Variants in SIRPG observed in about 807,000 individuals in gnomAD.
SIRPG encodes the protein signal regulatory protein gamma, also known as signal-regulatory protein gamma.
A neutral mutation model predicts 35.7 loss-of-function variants in SIRPG; 38 were observed. That is an observed-to-expected ratio of 1.06 (90% CI 0.82 to 1.40). The LOEUF (loss-of-function observed/expected upper bound fraction) is 1.40, where lower values mean the gene tolerates loss of function less well. SIRPG is among the 40% of genes most tolerant of loss of function. The pLI, the probability that SIRPG is intolerant of heterozygous loss-of-function variation, is 0.00. For missense variants in SIRPG, 519 were observed against 483.0 expected, an observed-to-expected ratio of 1.07 and a Z score of -0.70; for synonymous variants, 215 against 190.4, an observed-to-expected ratio of 1.13 and a Z score of -1.06.
the SIRPG span, among the ~76,000 whole-genome samples, chr20:1,681,745 G>A: frequency 6.6e-6 from 1 of 152,140 alleles, no homozygotes; most frequent in Non-Finnish European, 1.5e-5. Flanking sequence ...CAGAAACATG[G>A]CAATCACTTG....
the SIRPG span, chr20:1,666,302 G>A: frequency 4.6e-5 from 7 of 152,102 alleles, no homozygotes; most frequent in South Asian, 1.2e-3. Flanking sequence ...AGCAAGCTAA[G>A]GTTAATATAT....
At chr20:1,672,164 T>C in the SIRPG span, among the ~76,000 whole-genome samples, 1 of 152,198 alleles carries the variant, frequency 6.6e-6, no homozygotes, top group African/African-American at 2.4e-5. Context: ...TAGGACAGCA[T>C]TTCTGCTTCC....
chr20:1,635,845 G>C (rs1006276784), intron 3 of SIRPG, among the ~76,000 whole-genome samples: 2 of 152,186 alleles, frequency 1.3e-5, no homozygotes, highest in African/African-American at 2.4e-5. Flanking sequence ...AAATCTACAA[G>C]CACAACCCCT....
chr20:1,648,860 A>G (rs1437283233), intron 2 of SIRPG, among the ~76,000 whole-genome samples, 192 bp downstream of exon 2: 2 of 152,168 alleles, frequency 1.3e-5, no homozygotes, highest in African/African-American at 2.4e-5. Context: ...ATCATTTACT[A>G]GCAATCATTT....
chr20:1,676,209 G>A, the SIRPG span, among the ~76,000 whole-genome samples: 1 of 152,076 alleles, frequency 6.6e-6, no homozygotes, highest in Non-Finnish European at 1.5e-5. Context: ...TAGGAGTCTC[G>A]ATTGCTAATG....
Position 1,636,459 on chromosome 20 carries a change from T to G in SIRPG, c.477A>C (p.Thr159=). 6.2e-7 allele frequency: 1 copy of G among 1,614,250 alleles called. No homozygotes were observed. The highest frequency in any genetic ancestry group is 1.1e-5 in the South Asian group (1 of 91,088). The change falls in exon 3 of 6, where the codon ACA becomes ACC. Residue 159 remains threonine, a synonymous_variant. Coordinates refer to ENST00000303415, the MANE Select transcript of SIRPG (RefSeq NM_018556.4). ...AGGTGAAACTCACTGTATGCTCAGGTGTGGTCCTCGCCGCAGGGCCCAATA... is the reference window on the plus strand; with the variant it reads ...AGGTGAAACTCACTGTATGCTCAGGGGTGGTCCTCGCCGCAGGGCCCAATA... The part of the protein sequence containing the change: ...PVVLGPAART[T]PEHTVSFTCE...
intron 1 of SIRPG, chr20:1,651,453 T>G (rs1319950501): frequency 1.3e-5 from 2 of 152,256 alleles, no homozygotes; most frequent in African/African-American, 4.8e-5. Flanking sequence ...CTTCCCCATC[T>G]GCTTGGTTGA....
At position 1,636,272 on chromosome 20, in the gene SIRPG, A is replaced by G. The variant is rs372433614; in HGVS notation, c.664T>C (p.Ser222Pro). Residue 222 changes from serine (S) to proline (P), a missense_variant, in exon 3 of 6, where the codon TCT (serine) becomes CCT (proline). Ser to Pro is a moderately conservative substitution (Grantham distance 74). Coordinates refer to ENST00000303415, the MANE Select transcript of SIRPG (RefSeq NM_018556.4). ...TGGGCCACCTCGCAGATGACCTGAG[A>G]GCGAACGTCCCAGGGGTCCAGTACC... is the stretch of plus-strand genomic sequence containing the variant. ...RVVLDPWDVR[S>P]QVICEVAHVT... 25 of 1,614,066 alleles carry G rather than the reference A, an allele frequency of 1.5e-5. No individual in the cohort carries two copies. Among genetic ancestry groups the G allele is most frequent in the Non-Finnish European group, 2.1e-5 (25 of 1,180,028 alleles).
the SIRPG span, among the ~76,000 whole-genome samples, chr20:1,668,135 CTCTTT>C: frequency 8.9e-5 from 12 of 134,814 alleles, no homozygotes; most frequent in Admixed American, 1.5e-4. Flanking sequence ...CTTTTTCTTT[CTCTTT>C]TCTTTTCTTT....
At chr20:1,675,808 A>T in the SIRPG span, among the ~76,000 whole-genome samples, 1 of 152,336 alleles carries the variant, frequency 6.6e-6, no homozygotes, top group South Asian at 2.1e-4. Context: ...AATCAGTCAG[A>T]TTTGCTTCAA....
intron 4 of SIRPG, 122 bp downstream of exon 4, chr20:1,635,144 AT>A: frequency 2.8e-6 from 2 of 722,338 alleles, no homozygotes; most frequent in East Asian, 5.4e-5. Flanking sequence ...ATTTGGGGGG[AT>A]GGAGCTGACA....
chr20:1,642,135 C>T (rs1238667858), intron 2 of SIRPG, among the ~76,000 whole-genome samples: 1 of 152,090 alleles, frequency 6.6e-6, no homozygotes, highest in Non-Finnish European at 1.5e-5. Context: ...GAGTTCAAGC[C>T]CTGAATATCC....
chr20:1,634,900 G>A (rs1049984262), intron 4 of SIRPG, among the ~76,000 whole-genome samples: 21 of 151,520 alleles, frequency 1.4e-4, no homozygotes, highest in Admixed American at 8.5e-4. Flanking sequence ...AAAATTAGTC[G>A]GGCGTGGTGG....
the SIRPG span, among the ~76,000 whole-genome samples, chr20:1,673,527 A>T: frequency 1.3e-5 from 2 of 152,142 alleles, no homozygotes; most frequent in South Asian, 2.1e-4. Flanking sequence ...CTGCTTCTAA[A>T]TCTACACATT....
upstream of SIRPG, among the ~76,000 whole-genome samples, chr20:1,661,923 G>C (rs1242098650): frequency 1.2e-4 from 19 of 152,182 alleles, no homozygotes. Flanking sequence ...CAGACCAAGA[G>C]GGCTCTGTAG....
In SIRPG at chr20:1,649,292, C is replaced by T. The variant is rs62641738; in HGVS notation, c.190G>A (p.Val64Ile). 286 of 1,614,074 alleles carry T rather than the reference C, an allele frequency of 1.8e-4. 1 individual carries two copies. In the African/African-American group the frequency reaches 2.9e-3, roughly 16 times the overall value. ...GGTCCAACTCCTCTGAACCACAGGACGGGTCCCACGGGAAGCAGGGAGGTC... is the reference window on the plus strand; with the variant it reads ...GGTCCAACTCCTCTGAACCACAGGATGGGTCCCACGGGAAGCAGGGAGGTC... ...TVTSLLPVGP[V>I]LWFRGVGPGR... The change falls in exon 2 of 6, where the codon GTC (valine) becomes ATC (isoleucine). Residue 64 changes from valine to isoleucine, a missense_variant. Transcript: ENST00000303415.
chr20:1,668,179 C>CT, the SIRPG span, among the ~76,000 whole-genome samples: 479 of 66,816 alleles, frequency 7.2e-3, 6 homozygotes, highest in African/African-American at 0.022. Flanking sequence ...TCTTTTCTTT[C>CT]TTTCTTTCTT....
intron 2 of SIRPG, among the ~76,000 whole-genome samples, chr20:1,640,469 A>C (rs1171002417): frequency 6.6e-6 from 1 of 152,078 alleles, no homozygotes. Context: ...CTATCCTGAG[A>C]CTTTGCTGAA....
rs539050171 is a variant in SIRPG, at chr20:1,639,274, C to T, written c.431-2769G>A. ...CGCTCCTATTTTTCCACAGCATCAC[C>T]AGCATCTATTGTTTCCTAACTTTTT... is the stretch of plus-strand genomic sequence containing the variant. On this transcript the variant is annotated intron_variant, in intron 2 of 5. Coordinates refer to ENST00000303415, the MANE Select transcript of SIRPG (RefSeq NM_018556.4). 4.6e-5 allele frequency among the ~76,000 whole-genome samples: 7 copies of T among 152,170 alleles called. No homozygotes were observed. The East Asian group carries it at 1.4e-3, about 29-fold the overall frequency.
Sources: gnomAD v4.1 joint callset for allele counts (sites outside exome capture counted in the v4.1 genomes callset) on GRCh38, gnomAD v4.1.1 for gene constraint, MANE v1.5 for transcripts, NCBI Gene and HGNC (gene_info 2026-07-23, HGNC 2026-07-21) for gene names.